Variants in FBXL17 observed in about 807,000 individuals in gnomAD.
FBXL17 encodes F-box/LRR-repeat protein 17.
A neutral mutation model predicts 66.2 loss-of-function variants in FBXL17; 22 were observed. The observed-to-expected ratio is 0.33, with a 90% CI of 0.24 to 0.47. FBXL17 has a LOEUF of 0.47. FBXL17 is among the 20% of genes least tolerant of loss of function. The pLI is 1.00. For synonymous variants in FBXL17, 474 were observed against 400.5 expected (o/e 1.18, Z -2.19); for missense variants, 878 against 948.2 (o/e 0.93, Z 0.97).
At chr5:108,298,062 C>A (rs1156667845) in intron 4 of FBXL17, 1 of 981,016 alleles carries the variant, frequency 1.0e-6, no homozygotes, top group Non-Finnish European at 1.2e-6. Context: ...AGCAATTACT[C>A]CTGAATTGCC....
chr5:108,163,798 T>C (rs1186589697), intron 6 of FBXL17, among the ~76,000 whole-genome samples: 1 of 152,330 alleles, frequency 6.6e-6, no homozygotes, highest in African/African-American at 2.4e-5. Flanking sequence ...CAAAATTATA[T>C]GTTAGAGGTC....
chr5:108,048,145 G>A (rs1309794130), intron 6 of FBXL17, among the ~76,000 whole-genome samples: 1 of 152,206 alleles, frequency 6.6e-6, no homozygotes, highest in Non-Finnish European at 1.5e-5. Flanking sequence ...CCAGGCATGG[G>A]AGCAAAGCAG....
At chr5:108,361,043 T>C (rs1256418065) in intron 3 of FBXL17, among the ~76,000 whole-genome samples, 1 of 152,142 alleles carries the variant, frequency 6.6e-6, no homozygotes, top group Non-Finnish European at 1.5e-5. Context: ...TTTCAGATAA[T>C]GGATTTAAAA....
chr5:108,165,813 T>C (rs952078467), intron 6 of FBXL17, among the ~76,000 whole-genome samples: 1 of 152,186 alleles, frequency 6.6e-6, no homozygotes, highest in African/African-American at 2.4e-5. Flanking sequence ...CAGTCACAAG[T>C]GGCAGTGTTT....
At chr5:108,007,634 A>G (rs2112729395) in intron 7 of FBXL17, among the ~76,000 whole-genome samples, 2 of 144,518 alleles carry the variant, frequency 1.4e-5, no homozygotes, top group African/African-American at 5.8e-5. Flanking sequence ...GTAGGTTTCT[A>G]AGTTAAATGC....
At chr5:108,195,787 T>C (rs992199770) in intron 5 of FBXL17, among the ~76,000 whole-genome samples, 3 of 152,056 alleles carry the variant, frequency 2.0e-5, no homozygotes, top group South Asian at 2.1e-4. Flanking sequence ...TATTTGAAAG[T>C]AGAATCAACA....
At chr5:108,133,637 G>A (rs1431785236) in intron 6 of FBXL17, among the ~76,000 whole-genome samples, 1 of 151,802 alleles carries the variant, frequency 6.6e-6, no homozygotes. Context: ...AAGAAATGGA[G>A]GGCTGAGAAG....
chr5:107,975,262 C>T (rs757104270), intron 7 of FBXL17, among the ~76,000 whole-genome samples: 3 of 152,044 alleles, frequency 2.0e-5, no homozygotes, highest in Non-Finnish European at 4.4e-5. Context: ...ATAAGACAGG[C>T]TGGGTGACAC....
At chr5:108,078,702 T>C (rs1203767358) in intron 6 of FBXL17, among the ~76,000 whole-genome samples, 2 of 152,182 alleles carry the variant, frequency 1.3e-5, no homozygotes, top group African/African-American at 4.8e-5. Context: ...GGCTTCCTCT[T>C]TTCTCCCTCC....
chr5:107,904,141 G>T (rs1720249539), intron 7 of FBXL17, among the ~76,000 whole-genome samples: 1 of 152,126 alleles, frequency 6.6e-6, no homozygotes. Context: ...TCACCTGGAT[G>T]CTCTAGAGGT....
chr5:107,867,960 C>T (rs1748332508), intron 8 of FBXL17, among the ~76,000 whole-genome samples: 1 of 152,148 alleles, frequency 6.6e-6, no homozygotes, highest in East Asian at 1.9e-4. Flanking sequence ...TGGCAAAATA[C>T]TTGAAAACAA....
chr5:108,017,620 A>G (rs1754434736), intron 7 of FBXL17, among the ~76,000 whole-genome samples: 1 of 152,164 alleles, frequency 6.6e-6, no homozygotes, highest in African/African-American at 2.4e-5. Flanking sequence ...CACAAAGAAA[A>G]TAAGTGGCAA....
At chr5:108,048,642 T>A (rs561189068) in intron 6 of FBXL17, among the ~76,000 whole-genome samples, 1 of 152,024 alleles carries the variant, frequency 6.6e-6, no homozygotes, top group African/African-American at 2.4e-5. Context: ...AAACACAGCA[T>A]GAGAACTTCA....
intron 6 of FBXL17, among the ~76,000 whole-genome samples, chr5:108,176,739 A>C (rs1490448055): frequency 6.6e-6 from 1 of 152,146 alleles, no homozygotes; most frequent in African/African-American, 2.4e-5. Context: ...TAAAAATGAT[A>C]TTAAATAACT....
chr5:107,973,808 C>A (rs1181701172), intron 7 of FBXL17, among the ~76,000 whole-genome samples: 1 of 151,136 alleles, frequency 6.6e-6, no homozygotes, highest in Non-Finnish European at 1.5e-5. Context: ...TCAACAGGCC[C>A]CTATTGGCTT....
chr5:108,189,665 T>C (rs1017922893), intron 5 of FBXL17, among the ~76,000 whole-genome samples: 4 of 152,184 alleles, frequency 2.6e-5, no homozygotes, highest in African/African-American at 7.2e-5. Context: ...GCTATAATTA[T>C]GGTTCCTGAT....
intron 7 of FBXL17, among the ~76,000 whole-genome samples, chr5:107,955,689 A>C (rs1751641363): frequency 6.6e-6 from 1 of 152,198 alleles, no homozygotes; most frequent in Non-Finnish European, 1.5e-5. Flanking sequence ...AATTTGTCTC[A>C]TAACAAAAAA....
At position 108,381,718 on chromosome 5, in the gene FBXL17, G is replaced by T; in HGVS notation, c.-27C>A. The T allele has an allele frequency of 7.0e-7, 1 of 1,421,894 alleles. No homozygotes were observed. The highest frequency in any genetic ancestry group is 3.0e-5 in the East Asian group (1 of 33,196). 88.1% of individuals were successfully genotyped at this position (1,421,894 alleles called of 1,614,324 possible). On this transcript the variant is annotated 5_prime_UTR_variant, in exon 1 of 9. Transcript: ENST00000542267. The stretch of plus-strand genomic sequence containing the variant: ...TAGAAGGCCCCGAGGAGGGGGACCG[G>T]GACGGGAGGGAGGGAGACCCAGAGA...
chr5:108,165,736 CTGAG>C (rs1448350822), intron 6 of FBXL17, among the ~76,000 whole-genome samples: 2 of 152,116 alleles, frequency 1.3e-5, no homozygotes, highest in African/African-American at 4.8e-5. Flanking sequence ...CTTTACAATT[CTGAG>C]TGTCTGTGGT....
Sources: gnomAD v4.1 joint callset for allele counts (sites outside exome capture counted in the v4.1 genomes callset) on GRCh38, gnomAD v4.1.1 for gene constraint, MANE v1.5 for transcripts, NCBI Gene and HGNC (gene_info 2026-07-23, HGNC 2026-07-21) for gene names.